OAS3: variants seen among roughly 807,000 people sequenced by gnomAD.
OAS3 encodes the protein 2'-5'-oligoadenylate synthase 3.
In OAS3, 107 loss-of-function variants were observed where a neutral mutation model predicts 113.0. That is an observed-to-expected ratio of 0.95 (90% CI 0.81 to 1.11). The LOEUF (loss-of-function observed/expected upper bound fraction) is 1.11, where lower values mean the gene tolerates loss of function less well. Ranked by LOEUF, OAS3 falls within the 50% of genes most tolerant of loss-of-function variation. The pLI, the probability that OAS3 is intolerant of heterozygous loss-of-function variation, is 0.00. For synonymous variants in OAS3, 552 were observed against 573.6 expected (o/e 0.96, Z 0.54); for missense variants, 1,258 against 1,389.1 (o/e 0.91, Z 1.50).
intron 13 of OAS3, 120 bp downstream of exon 13, chr12:112,967,713 A>C: frequency 8.3e-7 from 1 of 1,197,798 alleles, no homozygotes; most frequent in South Asian, 1.5e-5. Flanking sequence ...AGCAGAGCAG[A>C]AAGAGTGCTA....
At chr12:112,968,512 G>C (rs534746382) in intron 14 of OAS3, among the ~76,000 whole-genome samples, 1 of 152,238 alleles carries the variant, frequency 6.6e-6, no homozygotes, top group South Asian at 2.1e-4. Flanking sequence ...TGGGCATCCT[G>C]GTTTTTTGTT....
chr12:112,965,939 A>T lies in OAS3; in HGVS notation c.2599A>T (p.Asn867Tyr). Residue 867 changes from asparagine (N) to tyrosine (Y), a missense_variant, in exon 12 of 16, where the codon AAT becomes TAT. By Grantham distance (143) the Asn-to-Tyr change is moderately radical. Coordinates refer to ENST00000228928, the MANE Select transcript of OAS3 (RefSeq NM_006187.4). ...EVKFEVSKWE[N>Y]PRVLSFSLTS... ...CAAGTTTGAAGTCTCCAAATGGGAG[A>T]ATCCCCGCGTGCTGAGCTTCTCACT... 6.2e-7 allele frequency: 1 copy of T among 1,613,864 alleles called. No homozygotes were observed. Among genetic ancestry groups the T allele is most frequent in the Non-Finnish European group, 8.5e-7 (1 of 1,179,862 alleles).
chr12:112,960,959 A>G, intron 7 of OAS3, 112 bp from the exon 8 acceptor site: 4 of 972,984 alleles, frequency 4.1e-6, no homozygotes, highest in Admixed American at 2.1e-5. Context: ...ATTGATTGCA[A>G]TGTTAGGTGA....
At chr12:112,969,530 G>T in intron 14 of OAS3, 78 bp from the exon 15 acceptor site, 1 of 1,525,940 alleles carries the variant, frequency 6.6e-7, no homozygotes, top group Non-Finnish European at 8.9e-7. Context: ...GATAAAAGGG[G>T]AAAATAGTCC....
Position 112,967,514 on chromosome 12 carries a change from A to G in OAS3, c.2786A>G (p.Glu929Gly), listed in dbSNP as rs778569916. ...GGCGAGTACTCCACCTGCTTCACAGAGCTACAACGGGACTTCATCATCTCT... is the reference window on the plus strand; with the variant it reads ...GGCGAGTACTCCACCTGCTTCACAGGGCTACAACGGGACTTCATCATCTCT... ...NAGEYSTCFTELQRDFIISRP... is the reference protein window; with the variant it reads ...NAGEYSTCFTGLQRDFIISRP... Residue 929 changes from glutamate to glycine, a missense_variant, in exon 13 of 16, where the codon GAG (glutamate) becomes GGG (glycine). Glu to Gly is a moderately conservative substitution (Grantham distance 98). Coordinates refer to ENST00000228928, the MANE Select transcript of OAS3 (RefSeq NM_006187.4). The G allele has an allele frequency of 1.7e-5, 28 of 1,613,756 alleles. No individual in the cohort carries two copies. Among genetic ancestry groups the G allele is most frequent in the Non-Finnish European group, 2.3e-5 (27 of 1,179,866 alleles).
chr12:112,951,361 G>A (rs969726727), intron 7 of OAS3, among the ~76,000 whole-genome samples: 9 of 151,914 alleles, frequency 5.9e-5, no homozygotes, highest in Admixed American at 5.9e-4. Context: ...TTTCGGAGGT[G>A]AATCTTAGCT....
Position 112,941,860 on chromosome 12 carries a change from G to C in OAS3, c.460+8G>C. ...CTGCCTTCAATGTCCTGGGTGAGGG[G>C]TTCCTAGACCATTCCAGGGTTGGGG... On this transcript the variant is annotated splice_region_variant and intron_variant, in intron 2 of 15. Coordinates refer to ENST00000228928, the MANE Select transcript of OAS3 (RefSeq NM_006187.4). The C allele has an allele frequency of 6.2e-7, 1 of 1,613,986 alleles. No homozygotes were observed. The highest frequency in any genetic ancestry group is 8.5e-7 in the Non-Finnish European group (1 of 1,179,880).
In OAS3 at chr12:112,944,366, T is replaced by C. The variant is rs2136344754; in HGVS notation, c.461-110T>C. ...CCATGTTACCAGATTTCTTCCCCTC[T>C]GAATTCTTCCCACTCTCTCTCAGCG... On this transcript the variant is annotated intron_variant, in intron 2 of 15. Coordinates refer to ENST00000228928, the MANE Select transcript of OAS3 (RefSeq NM_006187.4). The C allele has an allele frequency of 3.4e-6, 4 of 1,178,890 alleles. No individual in the cohort carries two copies. In the South Asian group the frequency reaches 5.2e-5, roughly 15 times the overall value. The allele number at this position is 1,178,890 out of a possible 1,614,324, so 73.0% of individuals were successfully genotyped here. A position where few individuals can be genotyped will look rare whatever the true frequency, so the allele number is the denominator to read the frequency against.
chr12:112,955,111 G>C (rs1178417937), intron 7 of OAS3, among the ~76,000 whole-genome samples: 2 of 152,154 alleles, frequency 1.3e-5, no homozygotes, highest in Non-Finnish European at 2.9e-5. Context: ...CTCATGATTT[G>C]GCTCTCTGTT....
chr12:112,949,408 C>T (rs971495235), intron 6 of OAS3, among the ~76,000 whole-genome samples: 2 of 151,952 alleles, frequency 1.3e-5, no homozygotes, highest in Non-Finnish European at 2.9e-5. Flanking sequence ...AACACTATTA[C>T]AAGAATCAGA....
At chr12:112,967,372 G>C (rs765439390) in intron 12 of OAS3, 46 bp from the exon 13 acceptor site, 19 of 1,560,094 alleles carry the variant, frequency 1.2e-5, no homozygotes, top group Non-Finnish European at 1.6e-5. Flanking sequence ...GCCCCACTGG[G>C]ACAACATGGG....
In OAS3 at chr12:112,966,025, C is replaced by T. The variant is rs2043930542; in HGVS notation, c.2685C>T (p.Ala895=). 2.5e-6 allele frequency: 4 copies of T among 1,613,846 alleles called. No individual in the cohort carries two copies. The East Asian group carries it at 6.7e-5, about 27-fold the overall frequency. The change falls in exon 12 of 16, where the codon GCC becomes GCT. Residue 895 remains alanine, a synonymous_variant. Transcript: ENST00000228928. The part of the protein sequence containing the change: ...VDFDVLPAFD[A]LGQLVSGSRP... The stretch of plus-strand genomic sequence containing the variant: ...TTGATGTGCTGCCAGCCTTTGACGC[C>T]CTAGGTGAGGTGCCCTGGCGTAGAC...
chr12:112,946,314 G>A (rs113730368), intron 3 of OAS3, among the ~76,000 whole-genome samples: 3,062 of 152,168 alleles, frequency 0.02, 97 homozygotes, highest in African/African-American at 0.07. Context: ...GGGGATAGAC[G>A]GCTGGAGTGA....
intron 7 of OAS3, among the ~76,000 whole-genome samples, chr12:112,957,451 C>G (rs1294333227): frequency 6.6e-6 from 1 of 152,178 alleles, no homozygotes; most frequent in Non-Finnish European, 1.5e-5. Context: ...TACAATTAGG[C>G]ATGTTTTTGC....
chr12:112,949,011 GC>G lies in OAS3; in HGVS notation c.1181del (p.Ala394GlufsTer31). On this transcript the variant is annotated frameshift_variant, in exon 6 of 16. Coordinates refer to ENST00000228928, the MANE Select transcript of OAS3 (RefSeq NM_006187.4). LOFTEE classifies it high-confidence loss of function. The part of the protein sequence containing the change: ...PSCPAPGPTG[A>X]ASIVPSVPGM... ...ATGCCCAGCTCCTGGCCCCACTGGG[GC>G]AGCCAGCATCGTCCCCTCTGTGCCG... The G allele has an allele frequency of 6.2e-7, 1 of 1,613,994 alleles. No homozygotes were observed. Among genetic ancestry groups the G allele is most frequent in the East Asian group, 2.2e-5 (1 of 44,880 alleles).
intron 7 of OAS3, among the ~76,000 whole-genome samples, chr12:112,951,679 T>G (rs2043793697): frequency 6.6e-6 from 1 of 152,008 alleles, no homozygotes; most frequent in African/African-American, 2.4e-5. Context: ...TGGCATTTCT[T>G]AGATTGCCCA....
At chr12:112,951,839 CAAAAAAAAAAAAAA>C (rs3038125) in intron 7 of OAS3, among the ~76,000 whole-genome samples, 40 of 105,704 alleles carry the variant, frequency 3.8e-4, no homozygotes, top group East Asian at 8.0e-4. Context: ...ACTAAAAATA[CAAAAAAAAAAAAAA>C]AAAAAAAAAA....
intron 2 of OAS3, among the ~76,000 whole-genome samples, chr12:112,943,311 C>T (rs991424508): frequency 6.6e-6 from 1 of 152,160 alleles, no homozygotes; most frequent in African/African-American, 2.4e-5. Context: ...CATGTTTTAT[C>T]TCATCAATTC....
chr12:112,956,166 T>C (rs2043834327), intron 7 of OAS3, among the ~76,000 whole-genome samples: 1 of 152,240 alleles, frequency 6.6e-6, no homozygotes, highest in African/African-American at 2.4e-5. Context: ...TGTATTTCTG[T>C]GTAATCGGTG....
Sources: allele counts gnomAD v4.1 joint callset (sites outside exome capture counted in the v4.1 genomes callset), GRCh38; gene constraint gnomAD v4.1.1; transcripts MANE v1.5; gene names NCBI Gene and HGNC (gene_info 2026-07-23, HGNC 2026-07-21).